The following KHDRBS2 variants were observed in gnomAD, a reference collection of about 807,000 sequenced individuals.
KHDRBS2 encodes the protein KH RNA binding domain containing, signal transduction associated 2.
In KHDRBS2, 26 loss-of-function variants were observed where a neutral mutation model predicts 44.3. The ratio of observed to expected loss-of-function variants is 0.59; its 90% CI spans 0.43 to 0.81. The LOEUF (loss-of-function observed/expected upper bound fraction) is 0.81, where lower values mean the gene tolerates loss of function less well. KHDRBS2 is among the 40% of genes least tolerant of loss of function. The pLI, the probability that KHDRBS2 is intolerant of heterozygous loss-of-function variation, is 0.00. For missense variants in KHDRBS2, 476 were observed against 433.1 expected, an observed-to-expected ratio of 1.10 and a Z score of -0.88; for synonymous variants, 194 against 151.1, an observed-to-expected ratio of 1.28 and a Z score of -2.08.
At chr6:62,051,730 A>G (rs1789098131) in intron 2 of KHDRBS2, among the ~76,000 whole-genome samples, 1 of 152,110 alleles carries the variant, frequency 6.6e-6, no homozygotes, top group Admixed American at 6.6e-5. Context: ...AGATATTTGC[A>G]AAGCACACAT....
intron 1 of KHDRBS2, among the ~76,000 whole-genome samples, chr6:62,204,998 T>TTA (rs1827697743): frequency 6.6e-6 from 1 of 152,124 alleles, no homozygotes; most frequent in South Asian, 2.1e-4. Flanking sequence ...GGAATGTTTG[T>TTA]TAATTAATTA....
intron 2 of KHDRBS2, among the ~76,000 whole-genome samples, chr6:62,104,811 C>A (rs1802769460): frequency 6.6e-6 from 1 of 151,558 alleles, no homozygotes; most frequent in Admixed American, 6.6e-5. Flanking sequence ...TAATAAGTTA[C>A]AATAAATGAA....
the KHDRBS2 span, among the ~76,000 whole-genome samples, chr6:61,668,386 A>G: frequency 4.0e-5 from 6 of 151,028 alleles, no homozygotes; most frequent in African/African-American, 1.5e-4. Context: ...TTTACCTAAC[A>G]CTGGACACAG....
At chr6:62,154,181 T>C (rs1815863437) in intron 2 of KHDRBS2, among the ~76,000 whole-genome samples, 1 of 152,086 alleles carries the variant, frequency 6.6e-6, no homozygotes, top group Non-Finnish European at 1.5e-5. Flanking sequence ...AAAGCAAGTG[T>C]CAGGTTAGGA....
chr6:61,569,677 T>A, the KHDRBS2 span, among the ~76,000 whole-genome samples: 1 of 152,108 alleles, frequency 6.6e-6, no homozygotes, highest in Non-Finnish European at 1.5e-5. Flanking sequence ...TCCATGGCAC[T>A]CTCCTAGCAC....
chr6:62,060,633 C>CTATATA (rs57458009), intron 2 of KHDRBS2, among the ~76,000 whole-genome samples: 45 of 144,954 alleles, frequency 3.1e-4, no homozygotes, highest in African/African-American at 1.0e-3. Context: ...CTCTCTCTCT[C>CTATATA]TATATATATA....
chr6:62,125,085 C>T (rs1808638148), intron 2 of KHDRBS2, among the ~76,000 whole-genome samples: 1 of 152,104 alleles, frequency 6.6e-6, no homozygotes, highest in Non-Finnish European at 1.5e-5. Flanking sequence ...AAGGTTTTAA[C>T]TTCATATCAC....
At chr6:61,810,269 A>T (rs1465383111) in intron 6 of KHDRBS2, among the ~76,000 whole-genome samples, 3 of 152,006 alleles carry the variant, frequency 2.0e-5, no homozygotes, top group African/African-American at 7.2e-5. Flanking sequence ...TATGCCCTGA[A>T]GGGACATGAT....
chr6:62,269,784 T>A (rs1839780820), intron 1 of KHDRBS2, among the ~76,000 whole-genome samples: 1 of 152,124 alleles, frequency 6.6e-6, no homozygotes, highest in Non-Finnish European at 1.5e-5. Flanking sequence ...CATGAACTTT[T>A]ATAACAACTT....
the KHDRBS2 span, among the ~76,000 whole-genome samples, chr6:61,641,124 A>G: frequency 6.6e-6 from 1 of 152,082 alleles, no homozygotes; most frequent in South Asian, 2.1e-4. Flanking sequence ...TCTTCCCTCC[A>G]TTGTCAGAGA....
intron 1 of KHDRBS2, among the ~76,000 whole-genome samples, chr6:62,268,422 T>C (rs895376169): frequency 6.6e-6 from 1 of 152,026 alleles, no homozygotes; most frequent in African/African-American, 2.4e-5. Context: ...TTCAAGAAAT[T>C]TATGTCACAT....
intron 7 of KHDRBS2, among the ~76,000 whole-genome samples, chr6:61,708,450 C>T (rs1172572722): frequency 6.6e-6 from 1 of 151,454 alleles, no homozygotes; most frequent in Non-Finnish European, 1.5e-5. Flanking sequence ...CTGGCTCTCA[C>T]AGACTAACAA....
chr6:62,123,841 T>A (rs1418986416), intron 2 of KHDRBS2, among the ~76,000 whole-genome samples: 7 of 152,222 alleles, frequency 4.6e-5, no homozygotes, highest in African/African-American at 1.4e-4. Flanking sequence ...GCTCCTTTTG[T>A]TGTTATGTAC....
At chr6:62,056,723 TA>T (rs1790371174) in intron 2 of KHDRBS2, among the ~76,000 whole-genome samples, 1 of 151,954 alleles carries the variant, frequency 6.6e-6, no homozygotes, top group African/African-American at 2.4e-5. Flanking sequence ...TTGATGACAG[TA>T]AAACATCAAA....
intron 3 of KHDRBS2, among the ~76,000 whole-genome samples, chr6:62,046,911 A>G (rs2127305899): frequency 6.6e-6 from 1 of 152,034 alleles, no homozygotes. Flanking sequence ...GAAAGCACCC[A>G]AATGGAGAGT....
intron 3 of KHDRBS2, among the ~76,000 whole-genome samples, chr6:62,029,315 TG>T (rs1384709639): frequency 1.3e-5 from 2 of 151,830 alleles, no homozygotes; most frequent in East Asian, 3.9e-4. Context: ...GACATTTGGA[TG>T]GGGACTTTTT....
At chr6:61,609,624 T>C in the KHDRBS2 span, among the ~76,000 whole-genome samples, 1 of 152,180 alleles carries the variant, frequency 6.6e-6, no homozygotes, top group African/African-American at 2.4e-5. Flanking sequence ...TAAAATCAGC[T>C]AGTCACTGGT....
At chr6:61,564,962 G>A in the KHDRBS2 span, among the ~76,000 whole-genome samples, 6 of 151,710 alleles carry the variant, frequency 4.0e-5, no homozygotes, top group African/African-American at 1.5e-4. Context: ...CAATGAGACA[G>A]AATAAAGAAA....
intron 1 of KHDRBS2, among the ~76,000 whole-genome samples, chr6:62,209,537 C>T (rs1334902151): frequency 9.5e-6 from 1 of 104,908 alleles, no homozygotes; most frequent in East Asian, 2.6e-4. Flanking sequence ...ACACAGATTG[C>T]CATTTAGAAC....
Sources: allele counts gnomAD v4.1 joint callset (sites outside exome capture counted in the v4.1 genomes callset), GRCh38; gene constraint gnomAD v4.1.1; transcripts MANE v1.5; gene names NCBI Gene and HGNC (gene_info 2026-07-23, HGNC 2026-07-21).